Variants in SLC41A3 observed in about 807,000 individuals in gnomAD.
SLC41A3 encodes the protein SLC41A1-like 2.
Under a neutral mutation model 45.4 loss-of-function variants are expected in SLC41A3, and 44 were observed. The observed-to-expected ratio is 0.97, with a 90% confidence interval of 0.76 to 1.25. The LOEUF (loss-of-function observed/expected upper bound fraction) is 1.25. Among genes scored for constraint, SLC41A3 ranks in the 50% most tolerant of loss-of-function variants. SLC41A3 has a pLI of 0.00. For synonymous variants in SLC41A3, 256 were observed against 252.4 expected, an observed-to-expected ratio of 1.01 and a Z score of -0.13; for missense variants, 550 against 600.6, an observed-to-expected ratio of 0.92 and a Z score of 0.88.
intron 6 of SLC41A3, among the ~76,000 whole-genome samples, chr3:126,020,934 G>A (rs1288463311): frequency 1.4e-5 from 2 of 147,860 alleles, no homozygotes; most frequent in Non-Finnish European, 3.0e-5. Flanking sequence ...TCTCTCTGTT[G>A]CCCAGGCTGG....
chr3:126,074,101 A>C (rs1053428577), intron 1 of SLC41A3, among the ~76,000 whole-genome samples: 2 of 152,076 alleles, frequency 1.3e-5, no homozygotes, highest in Non-Finnish European at 2.9e-5. Flanking sequence ...CAACAGACAC[A>C]GAAAAAGCAT....
At chr3:126,077,531 G>T (rs546493727) in intron 1 of SLC41A3, among the ~76,000 whole-genome samples, 13 of 151,918 alleles carry the variant, frequency 8.6e-5, no homozygotes, top group African/African-American at 3.1e-4. Flanking sequence ...TTTAATCCAT[G>T]TTCTAGATCC....
chr3:126,035,216 G>A (rs1942092346), intron 3 of SLC41A3, among the ~76,000 whole-genome samples: 1 of 152,256 alleles, frequency 6.6e-6, no homozygotes, highest in African/African-American at 2.4e-5. Flanking sequence ...ACTCACCAGA[G>A]CTGAGCTGTC....
chr3:126,049,725 G>C (rs6799761), intron 3 of SLC41A3, among the ~76,000 whole-genome samples: 14,474 of 152,120 alleles, frequency 0.095, 733 homozygotes, highest in South Asian at 0.18. Context: ...GTTTCCTCTC[G>C]CTGCTGTAAC....
chr3:126,034,906 T>A (rs1201337908), intron 3 of SLC41A3, among the ~76,000 whole-genome samples: 1 of 152,228 alleles, frequency 6.6e-6, no homozygotes, highest in Non-Finnish European at 1.5e-5. Flanking sequence ...AAAATAAAAG[T>A]ACACATCTAT....
chr3:126,028,511 G>C (rs986508470), intron 4 of SLC41A3, among the ~76,000 whole-genome samples: 4 of 152,276 alleles, frequency 2.6e-5, no homozygotes, highest in African/African-American at 9.6e-5. Flanking sequence ...GGAAAAGCCT[G>C]GCTATCCAGG....
At chr3:126,011,692 T>C (rs1939727275) in intron 9 of SLC41A3, among the ~76,000 whole-genome samples, 1 of 152,116 alleles carries the variant, frequency 6.6e-6, no homozygotes, top group Non-Finnish European at 1.5e-5. Context: ...AAGAGAGAAA[T>C]GGCACCATAC....
upstream of SLC41A3, among the ~76,000 whole-genome samples, chr3:126,084,663 CAT>C (rs1344218261): frequency 2.0e-5 from 3 of 152,124 alleles, no homozygotes; most frequent in African/African-American, 7.2e-5. Context: ...TAAACATTCT[CAT>C]AGTATTACGG....
At position 126,026,436 on chromosome 3, in the gene SLC41A3, A is replaced by G; in HGVS notation, c.497T>C (p.Leu166Pro). ...CTCTCGAGACACCACGCCCAACAGC[A>G]GCGCAGCCACAGCAGCCAAGAGCCC... Reference protein sequence around the residue: ...VVGLLAAVAALLLGVVSREEV... With the variant: ...VVGLLAAVAAPLLGVVSREEV... The change falls in exon 5 of 11, where the codon CTG becomes CCG. Residue 166 changes from leucine (L) to proline (P), a missense_variant. By Grantham distance (98) the Leu-to-Pro change is moderately conservative. Coordinates refer to ENST00000360370, the MANE Select transcript of SLC41A3 (RefSeq NM_017836.4). This position sits in a 1 kb window ranked among gnomAD's most constrained non-coding sequence, Gnocchi z 4.2. 1.9e-6 allele frequency: 3 copies of G among 1,600,362 alleles called. No individual in the cohort carries two copies. Among genetic ancestry groups the G allele is most frequent in the South Asian group, 1.1e-5 (1 of 88,570 alleles).
chr3:126,068,924 A>G (rs1448103378), intron 1 of SLC41A3, among the ~76,000 whole-genome samples: 1 of 152,158 alleles, frequency 6.6e-6, no homozygotes, highest in Admixed American at 6.5e-5. Context: ...TTGCCCTGGG[A>G]GAAGTTAGTA....
Position 126,006,807 on chromosome 3 carries a change from G to C in SLC41A3, c.*209C>G. The C allele has an allele frequency of 2.1e-6, 3 of 1,444,870 alleles. No homozygotes were observed. The highest frequency in any genetic ancestry group is 5.0e-5 in the East Asian group (2 of 40,308). 89.5% of individuals were successfully genotyped at this position (1,444,870 alleles called of 1,614,324 possible). On this transcript the variant is annotated 3_prime_UTR_variant, in exon 11 of 11. Coordinates refer to ENST00000360370, the MANE Select transcript of SLC41A3 (RefSeq NM_017836.4). ...GCACACATCATATTCACACACTCAA[G>C]CCATGCTCTTGATTTCAGGGCTCTA... is the stretch of plus-strand genomic sequence containing the variant.
At chr3:126,033,798 A>G in intron 3 of SLC41A3, 120 bp from the exon 4 acceptor site, 1 of 1,084,498 alleles carries the variant, frequency 9.2e-7, no homozygotes, top group Non-Finnish European at 1.3e-6. Context: ...TCAGCGTCAG[A>G]AAAAAATTCC....
At chr3:126,013,688 G>A (rs3804586) in intron 8 of SLC41A3, among the ~76,000 whole-genome samples, 26,445 of 151,982 alleles carry the variant, frequency 0.17, 2,501 homozygotes, top group African/African-American at 0.24. Context: ...GTCTGAGAGC[G>A]TTGAAGAAAA....
chr3:126,017,390 TG>T (rs1396948249), intron 6 of SLC41A3, among the ~76,000 whole-genome samples: 1 of 152,212 alleles, frequency 6.6e-6, no homozygotes, highest in Non-Finnish European at 1.5e-5. Context: ...ATGCCACCCA[TG>T]GTCCTGGCTG....
Position 126,015,751 on chromosome 3 carries a change from G to T in SLC41A3, c.891-178C>A, listed in dbSNP as rs942466881. Among the ~76,000 whole-genome samples, 4 of 152,120 alleles carry T rather than the reference G, an allele frequency of 2.6e-5. No homozygotes were observed. In the East Asian group the frequency reaches 7.7e-4, roughly 29 times the overall value. The stretch of plus-strand genomic sequence containing the variant: ...GTCTCCCCAGCATCCTTTGCACCCT[G>T]CTCATGCTTTTCCATCTCCACTTTG... On this transcript the variant is annotated intron_variant, in intron 7 of 10. Coordinates refer to ENST00000360370, the MANE Select transcript of SLC41A3 (RefSeq NM_017836.4).
intron 2 of SLC41A3, chr3:126,056,482 A>G (rs753365752): frequency 1.2e-6 from 2 of 1,614,102 alleles, no homozygotes; most frequent in Non-Finnish European, 1.7e-6. Flanking sequence ...GGACCGGGTA[A>G]GCTCACAGCT....
chr3:126,022,221 T>C (rs748909371), intron 6 of SLC41A3, among the ~76,000 whole-genome samples: 4 of 152,126 alleles, frequency 2.6e-5, no homozygotes, highest in Non-Finnish European at 5.9e-5. Context: ...CATTCTGGAG[T>C]TTCTCCAGAT....
At chr3:126,007,507 C>G (rs114456849) in intron 10 of SLC41A3, among the ~76,000 whole-genome samples, 130 of 152,318 alleles carry the variant, frequency 8.5e-4, no homozygotes, top group African/African-American at 3.0e-3. Flanking sequence ...AGCTGGGGCT[C>G]TCTCTGCTGC....
intron 1 of SLC41A3, among the ~76,000 whole-genome samples, chr3:126,091,638 A>G (rs1389006947): frequency 6.6e-6 from 1 of 152,174 alleles, no homozygotes; most frequent in Non-Finnish European, 1.5e-5. Context: ...AATGTTTCTT[A>G]TCAGACTTAA....
Sources: gnomAD v4.1 joint callset for allele counts (sites outside exome capture counted in the v4.1 genomes callset) on GRCh38, gnomAD v4.1.1 for gene constraint, Gnocchi (gnomAD v3.1) non-coding constraint, MANE v1.5 for transcripts, NCBI Gene and HGNC (gene_info 2026-07-23, HGNC 2026-07-21) for gene names.